SMYD3: variants seen among roughly 807,000 people sequenced by gnomAD.
SMYD3 encodes SET and MYND domain containing 3, also known as histone-lysine N-methyltransferase SMYD3.
A neutral mutation model predicts 57.7 loss-of-function variants in SMYD3; 36 were observed. The observed-to-expected ratio is 0.62, with a 90% CI of 0.48 to 0.82. SMYD3 has a LOEUF of 0.82. SMYD3 is among the 40% of genes least tolerant of loss of function. SMYD3 has a pLI of 0.00. For missense variants in SMYD3, 515 were observed against 538.8 expected, an observed-to-expected ratio of 0.96 and a Z score of 0.44; for synonymous variants, 211 against 195.0, an observed-to-expected ratio of 1.08 and a Z score of -0.68.
intron 5 of SMYD3, among the ~76,000 whole-genome samples, chr1:246,030,216 T>C (rs947099304): frequency 2.0e-5 from 3 of 152,008 alleles, no homozygotes; most frequent in African/African-American, 7.2e-5. Flanking sequence ...GATACAGACA[T>C]GATGGAGTAC....
chr1:245,817,381 C>A (rs2048907764), intron 10 of SMYD3, among the ~76,000 whole-genome samples: 1 of 147,386 alleles, frequency 6.8e-6, no homozygotes, highest in South Asian at 2.2e-4. Flanking sequence ...CACATCCACA[C>A]CAAAAACCCA....
At chr1:245,818,823 G>C (rs1180439223) in intron 10 of SMYD3, among the ~76,000 whole-genome samples, 3,694 of 150,558 alleles carry the variant, frequency 0.025, 143 homozygotes, top group African/African-American at 0.079. Context: ...GTAAAGGGAT[G>C]AATTCAACAA....
chr1:246,049,538 C>T (rs1404825437), intron 5 of SMYD3, among the ~76,000 whole-genome samples: 1 of 151,724 alleles, frequency 6.6e-6, no homozygotes, highest in Non-Finnish European at 1.5e-5. Flanking sequence ...ATCTCCTGAC[C>T]TCGTGATCCG....
chr1:246,257,818 T>C (rs889077649), intron 5 of SMYD3, among the ~76,000 whole-genome samples: 1 of 152,154 alleles, frequency 6.6e-6, no homozygotes, highest in African/African-American at 2.4e-5. Flanking sequence ...TGTTAAATTG[T>C]AATCTCCAGT....
chr1:246,141,066 AC>A (rs1472611836), intron 5 of SMYD3, among the ~76,000 whole-genome samples: 1 of 152,136 alleles, frequency 6.6e-6, no homozygotes, highest in Non-Finnish European at 1.5e-5. Flanking sequence ...CATTCAGGTG[AC>A]CTATCCGTTC....
At chr1:246,107,327 T>C (rs2061149724) in intron 5 of SMYD3, among the ~76,000 whole-genome samples, 1 of 152,008 alleles carries the variant, frequency 6.6e-6, no homozygotes, top group African/African-American at 2.4e-5. Flanking sequence ...TGGAAATGTA[T>C]CTATTTTTCC....
intron 5 of SMYD3, among the ~76,000 whole-genome samples, chr1:246,031,477 G>C (rs1286093207): frequency 2.0e-5 from 3 of 152,042 alleles, no homozygotes; most frequent in African/African-American, 7.2e-5. Context: ...GTGGCTCACG[G>C]CTATAATCCC....
At chr1:245,879,406 C>T (rs2052657114) in intron 8 of SMYD3, among the ~76,000 whole-genome samples, 1 of 152,204 alleles carries the variant, frequency 6.6e-6, no homozygotes, top group Non-Finnish European at 1.5e-5. Context: ...GGGGAGTAGG[C>T]AGCAGAACAC....
chr1:245,891,656 G>GC (rs1290361470), intron 8 of SMYD3, among the ~76,000 whole-genome samples: 20 of 152,212 alleles, frequency 1.3e-4, no homozygotes, highest in Non-Finnish European at 2.9e-4. Flanking sequence ...ACAGTGATAT[G>GC]CCCCCTAAGT....
At chr1:245,760,064 C>T (rs1488311137) in intron 11 of SMYD3, among the ~76,000 whole-genome samples, 1 of 152,178 alleles carries the variant, frequency 6.6e-6, no homozygotes, top group Non-Finnish European at 1.5e-5. Flanking sequence ...CAGGACTGTC[C>T]TGTGGCAGCA....
At chr1:246,112,777 T>G (rs2061267800) in intron 5 of SMYD3, among the ~76,000 whole-genome samples, 1 of 152,288 alleles carries the variant, frequency 6.6e-6, no homozygotes, top group South Asian at 2.1e-4. Context: ...CATTTAATGC[T>G]GTCTTATAGA....
At chr1:246,410,354 T>C (rs1274978084) in intron 1 of SMYD3, among the ~76,000 whole-genome samples, 4 of 152,200 alleles carry the variant, frequency 2.6e-5, no homozygotes, top group Non-Finnish European at 5.9e-5. Context: ...CATCAATACC[T>C]AATTTATTGA....
intron 5 of SMYD3, among the ~76,000 whole-genome samples, chr1:246,303,529 G>A (rs1411864296): frequency 6.6e-6 from 1 of 151,904 alleles, no homozygotes; most frequent in Non-Finnish European, 1.5e-5. Flanking sequence ...TAAATTAGTT[G>A]TTATACTCTT....
chr1:246,496,099 T>C (rs10924748), intron 1 of SMYD3, among the ~76,000 whole-genome samples: 35,597 of 151,864 alleles, frequency 0.23, 4,864 homozygotes, highest in African/African-American at 0.39. Flanking sequence ...TGCAGTGGCA[T>C]GATCTCAACT....
chr1:246,304,446 T>A (rs1259204527), intron 5 of SMYD3, among the ~76,000 whole-genome samples: 1 of 152,142 alleles, frequency 6.6e-6, no homozygotes, highest in African/African-American at 2.4e-5. Context: ...GCCATAAAAG[T>A]ACATATTTCT....
chr1:246,218,430 T>C (rs923141333), intron 5 of SMYD3, among the ~76,000 whole-genome samples: 7 of 152,120 alleles, frequency 4.6e-5, no homozygotes, highest in Non-Finnish European at 1.0e-4. Flanking sequence ...GAGACCATCC[T>C]GGCTAACACG....
intron 5 of SMYD3, among the ~76,000 whole-genome samples, chr1:246,117,152 A>C (rs1372146753): frequency 6.6e-6 from 1 of 152,238 alleles, no homozygotes; most frequent in Non-Finnish European, 1.5e-5. Context: ...CTTAGAACAA[A>C]ACACACAAAT....
At chr1:246,397,806 G>A (rs1375120590) in intron 1 of SMYD3, among the ~76,000 whole-genome samples, 3 of 152,060 alleles carry the variant, frequency 2.0e-5, no homozygotes, top group Admixed American at 2.0e-4. Flanking sequence ...GGGGGACAGG[G>A]AATGGGGAAT....
At chr1:246,423,799 G>C (rs981454745) in intron 1 of SMYD3, among the ~76,000 whole-genome samples, 1 of 152,090 alleles carries the variant, frequency 6.6e-6, no homozygotes, top group African/African-American at 2.4e-5. Flanking sequence ...AGAAAATGAG[G>C]TTGAAGTCTA....
Sources: allele counts gnomAD v4.1 joint callset (sites outside exome capture counted in the v4.1 genomes callset), GRCh38; gene constraint gnomAD v4.1.1; transcripts MANE v1.5; gene names NCBI Gene and HGNC (gene_info 2026-07-23, HGNC 2026-07-21).